The following CD82 variants were observed in gnomAD, a reference collection of about 807,000 sequenced individuals.
The protein encoded by CD82 is CD82 molecule.
In CD82, 36 loss-of-function variants were observed where a neutral mutation model predicts 37.4. The observed-to-expected ratio is 0.96, with a 90% CI of 0.74 to 1.27. The LOEUF is 1.27. CD82 is among the 50% of genes most tolerant of loss of function. The probability of loss-of-function intolerance (pLI) is 0.00; values close to 1 mark genes in which losing one functional copy is unlikely to be tolerated. For synonymous variants in CD82, 158 were observed against 137.4 expected (o/e 1.15, Z -1.05); for missense variants, 340 against 347.0 (o/e 0.98, Z 0.16).
intron 3 of CD82, among the ~76,000 whole-genome samples, chr11:44,596,592 G>A (rs941626781): frequency 6.6e-6 from 1 of 152,212 alleles, no homozygotes; most frequent in Admixed American, 6.5e-5. Flanking sequence ...CCAGGGCTTG[G>A]CCTCCTTTTG....
chr11:44,605,213 C>A (rs748915595), intron 5 of CD82, 31 bp downstream of exon 5: 1 of 1,609,108 alleles, frequency 6.2e-7, no homozygotes, highest in Non-Finnish European at 8.5e-7. Flanking sequence ...AGCTGCCTGC[C>A]CATTTCCTCT....
At chr11:44,586,519 C>T (rs777104393) in intron 1 of CD82, among the ~76,000 whole-genome samples, 15 of 152,244 alleles carry the variant, frequency 9.9e-5, no homozygotes, top group African/African-American at 2.6e-4. Context: ...AGCCAGGCAT[C>T]GTGGCGTGTA....
chr11:44,570,898 G>A (rs1852804978), intron 1 of CD82, among the ~76,000 whole-genome samples: 1 of 152,210 alleles, frequency 6.6e-6, no homozygotes, highest in Admixed American at 6.5e-5. Context: ...GAAATGGGAC[G>A]GTGGCCTCCA....
intron 1 of CD82, among the ~76,000 whole-genome samples, chr11:44,576,457 G>C (rs1049923936): frequency 6.6e-6 from 1 of 152,174 alleles, no homozygotes; most frequent in Non-Finnish European, 1.5e-5. Flanking sequence ...TCAAGGCTGG[G>C]GTCTGGTCTG....
At chr11:44,582,748 C>T (rs879315414) in intron 1 of CD82, among the ~76,000 whole-genome samples, 32 of 152,290 alleles carry the variant, frequency 2.1e-4, no homozygotes, top group Middle Eastern at 3.4e-3. Context: ...CTCTCTTTAG[C>T]TCCTAAATAT....
chr11:44,583,015 G>C (rs1853003265), intron 1 of CD82, among the ~76,000 whole-genome samples: 2 of 152,216 alleles, frequency 1.3e-5, no homozygotes, highest in South Asian at 4.1e-4. Flanking sequence ...GAAGGGGTGG[G>C]GGTAGGGGTT....
At chr11:44,595,401 G>C (rs1853208323) in intron 3 of CD82, among the ~76,000 whole-genome samples, 1 of 152,162 alleles carries the variant, frequency 6.6e-6, no homozygotes, top group East Asian at 1.9e-4. Flanking sequence ...GTGTGAGTGA[G>C]AGTGTGTTGT....
intron 1 of CD82, among the ~76,000 whole-genome samples, chr11:44,578,475 C>G (rs894596469): frequency 4.6e-5 from 7 of 152,100 alleles, no homozygotes; most frequent in African/African-American, 7.2e-5. Flanking sequence ...ATCTATACAC[C>G]CCCCTTCCAG....
intron 1 of CD82, chr11:44,573,146 C>T (rs1247500866): frequency 6.6e-6 from 1 of 152,242 alleles, no homozygotes; most frequent in Non-Finnish European, 1.5e-5. Flanking sequence ...TGAGGTGTTT[C>T]CCTGGCAGAG....
At chr11:44,579,548 G>A (rs548036446) in intron 1 of CD82, among the ~76,000 whole-genome samples, 11 of 152,144 alleles carry the variant, frequency 7.2e-5, no homozygotes, top group East Asian at 1.9e-4. Context: ...TCTCTGTCCC[G>A]GCCTCTCTCA....
intron 1 of CD82, among the ~76,000 whole-genome samples, chr11:44,583,135 T>C (rs769459584): frequency 2.0e-5 from 3 of 152,264 alleles, no homozygotes; most frequent in Middle Eastern, 3.4e-3. Context: ...GCACCTAGCA[T>C]TGGGAGGGAG....
chr11:44,587,697 C>G, intron 2 of CD82, 141 bp downstream of exon 2: 1 of 424,800 alleles, frequency 2.4e-6, no homozygotes, highest in South Asian at 1.7e-5. Flanking sequence ...TTCCCCTTCT[C>G]TGGCTCCTAC....
In CD82 at chr11:44,597,232, C is replaced by T. The variant is rs569084191; in HGVS notation, c.63+2507C>T. On this transcript the variant is annotated intron_variant, in intron 3 of 9. Coordinates refer to ENST00000227155, the MANE Select transcript of CD82 (RefSeq NM_002231.4). This position sits in a 1 kb window ranked among gnomAD's most constrained non-coding sequence, Gnocchi z 4.1. ...TCCCTCTGGACTCCAGACTCCCCAG[C>T]GCATTGCCACTTTTCTCAGGTCCAA... is the stretch of plus-strand genomic sequence containing the variant. 3.9e-5 allele frequency among the ~76,000 whole-genome samples: 6 copies of T among 152,330 alleles called. No homozygotes were observed. Among genetic ancestry groups the T allele is most frequent in the South Asian group, 2.1e-4 (1 of 4,828 alleles).
At chr11:44,583,955 G>A (rs75270468) in intron 1 of CD82, among the ~76,000 whole-genome samples, 3,208 of 152,278 alleles carry the variant, frequency 0.021, 49 homozygotes, top group Non-Finnish European at 0.029. Context: ...TGTGACAGGG[G>A]ACTCTTCCTT....
intron 1 of CD82, among the ~76,000 whole-genome samples, chr11:44,582,134 C>T (rs572546308): frequency 6.6e-6 from 1 of 152,178 alleles, no homozygotes; most frequent in African/African-American, 2.4e-5. Context: ...CACTGTCCCC[C>T]CTGTGTGACC....
intron 1 of CD82, among the ~76,000 whole-genome samples, chr11:44,576,352 T>G (rs1852891275): frequency 6.6e-6 from 1 of 152,114 alleles, no homozygotes; most frequent in South Asian, 2.1e-4. Flanking sequence ...TCAGGTCCCA[T>G]TGTACAGATG....
chr11:44,566,538 G>A (rs1033498130), intron 1 of CD82, among the ~76,000 whole-genome samples: 13 of 152,196 alleles, frequency 8.5e-5, no homozygotes, highest in African/African-American at 2.9e-4. Context: ...CCCAGTAGCG[G>A]GGCAGCATAG....
At chr11:44,617,175 G>A (rs1259405726) in intron 7 of CD82, among the ~76,000 whole-genome samples, 1 of 152,132 alleles carries the variant, frequency 6.6e-6, no homozygotes, top group Non-Finnish European at 1.5e-5. Context: ...CCAGCATTGC[G>A]GGGATTCACA....
intron 6 of CD82, among the ~76,000 whole-genome samples, chr11:44,611,076 C>T (rs1007958278): frequency 6.6e-6 from 1 of 152,226 alleles, no homozygotes; most frequent in African/African-American, 2.4e-5. Flanking sequence ...CTCAAGTGAT[C>T]TGCCCATTTC....
Sources: allele counts gnomAD v4.1 joint callset (sites outside exome capture counted in the v4.1 genomes callset), GRCh38; gene constraint gnomAD v4.1.1; non-coding constraint Gnocchi (gnomAD v3.1); transcripts MANE v1.5; gene names NCBI Gene and HGNC (gene_info 2026-07-23, HGNC 2026-07-21).